Variants in RYR2 observed in about 807,000 individuals in gnomAD.
RYR2 encodes ryanodine receptor 2.
RYR2 carries 227 observed loss-of-function variants against 601.1 expected under a neutral mutation model. That is an observed-to-expected ratio of 0.38 (90% CI 0.34 to 0.42). RYR2 has a LOEUF of 0.42. Ranked by LOEUF, RYR2 falls within the 10% of genes least tolerant of loss-of-function variation. RYR2 has a pLI of 1.00. For synonymous variants in RYR2, 2,223 were observed against 2,175.1 expected (o/e 1.02, Z -0.61); for missense variants, 4,646 against 6,156.5 (o/e 0.75, Z 8.21).
intron 2 of RYR2, among the ~76,000 whole-genome samples, chr1:237,309,897 G>A (rs1261282283): frequency 1.3e-5 from 2 of 152,158 alleles, no homozygotes; most frequent in Admixed American, 6.5e-5. Flanking sequence ...GCCCGGGGCC[G>A]GCAGTGCCAG....
In RYR2 at chr1:237,435,511, G is replaced by T. The variant is rs550528243; in HGVS notation, c.1006-5808G>T. ...GGGATTAAATTCAAAAGAAATTTTT[G>T]CAGTAGTCTTTTCTCAAGGGGCATT... On this transcript the variant is annotated intron_variant, in intron 12 of 104. Transcript: ENST00000366574. 4.6e-5 allele frequency among the ~76,000 whole-genome samples: 7 copies of T among 152,254 alleles called. No homozygotes were observed. The South Asian group carries it at 1.5e-3, about 32-fold the overall frequency.
rs755584806 is a variant in RYR2 at position 237,614,703 on chromosome 1, G to A, written c.5575G>A (p.Glu1859Lys). ...GTTTAAAGAAGCTGCCACTCCGGAG[G>A]AGGAGAGTGACACGCTGGAGAAAGA... ...SVFKEAATPE[E>K]ESDTLEKELS... The change falls in exon 37 of 105, where the codon GAG (glutamate) becomes AAG (lysine). Residue 1859 changes from glutamate to lysine, a missense_variant. By Grantham distance (56) the Glu-to-Lys change is moderately conservative. Coordinates refer to ENST00000366574, the MANE Select transcript of RYR2 (RefSeq NM_001035.3). This position sits in a 1 kb window ranked among gnomAD's most constrained non-coding sequence, Gnocchi z 4.3. The A allele has an allele frequency of 2.5e-6, 4 of 1,614,030 alleles. No homozygotes were observed. The highest frequency in any genetic ancestry group is 3.4e-6 in the Non-Finnish European group (4 of 1,179,896).
chr1:237,223,875 C>A (rs1322702565), intron 1 of RYR2, among the ~76,000 whole-genome samples: 1 of 152,194 alleles, frequency 6.6e-6, no homozygotes, highest in Non-Finnish European at 1.5e-5. Flanking sequence ...TTTTCTCCTT[C>A]TGGTCTGTAA....
At chr1:237,229,110 T>TG (rs1303123423) in intron 1 of RYR2, among the ~76,000 whole-genome samples, 1 of 138,688 alleles carries the variant, frequency 7.2e-6, no homozygotes. Context: ...CCTAGCCCTG[T>TG]GGACCAGCTG....
chr1:237,714,990 T>TTAAAAAAA lies in RYR2; in HGVS notation c.10324-2208_10324-2207insTAAAAAAA, dbSNP rs1558274627. On this transcript the variant is annotated intron_variant, in intron 71 of 104. Coordinates refer to ENST00000366574, the MANE Select transcript of RYR2 (RefSeq NM_001035.3). ...CCTGGTGACAGAGCGAGACTCCATC[T>TTAAAAAAA]CAAAAAAAAAAAAAAAAAAAAAAAA... Among the ~76,000 whole-genome samples, 2 of 89,400 alleles carry TTAAAAAAA rather than the reference T, an allele frequency of 2.2e-5. 1 individual carries two copies. The allele number at this position is 89,400 out of a possible 152,430, so 58.6% of individuals were successfully genotyped here. A position where few individuals can be genotyped will look rare whatever the true frequency, so the allele number is the denominator to read the frequency against.
chr1:237,641,491 TTC>T (rs369542813), intron 47 of RYR2, among the ~76,000 whole-genome samples: 128 of 118,606 alleles, frequency 1.1e-3, no homozygotes, highest in African/African-American at 3.5e-3. Context: ...CTTTCTTTCT[TTC>T]TTTCTTTCTT....
At chr1:237,107,362 A>G (rs1460540082) in intron 1 of RYR2, among the ~76,000 whole-genome samples, 1 of 151,290 alleles carries the variant, frequency 6.6e-6, no homozygotes, top group Non-Finnish European at 1.5e-5. Context: ...TCTACTAAAA[A>G]TACAAAAAAT....
chr1:237,676,609 T>G (rs1388306102), intron 60 of RYR2, among the ~76,000 whole-genome samples: 1 of 152,176 alleles, frequency 6.6e-6, no homozygotes, highest in East Asian at 1.9e-4. Context: ...AATATCGTGT[T>G]TATTTTAATT....
At chr1:237,532,198 A>G (rs1668200735) in intron 25 of RYR2, among the ~76,000 whole-genome samples, 1 of 152,134 alleles carries the variant, frequency 6.6e-6, no homozygotes, top group Non-Finnish European at 1.5e-5. Flanking sequence ...AGAAAATAGG[A>G]TGTTATTGGA....
chr1:237,419,319 G>T (rs1705326401), intron 11 of RYR2, among the ~76,000 whole-genome samples: 1 of 151,800 alleles, frequency 6.6e-6, no homozygotes, highest in South Asian at 2.1e-4. Flanking sequence ...AAACATGAAA[G>T]CTTCTGAAAA....
intron 34 of RYR2, among the ~76,000 whole-genome samples, chr1:237,598,382 C>T (rs545271210): frequency 6.6e-6 from 1 of 152,286 alleles, no homozygotes; most frequent in South Asian, 2.1e-4. Context: ...TTCTCAACTG[C>T]TCATGTGGCA....
At chr1:237,292,665 T>A (rs1359466063) in intron 2 of RYR2, among the ~76,000 whole-genome samples, 1 of 152,236 alleles carries the variant, frequency 6.6e-6, no homozygotes, top group Non-Finnish European at 1.5e-5. Flanking sequence ...TTTGATGCTG[T>A]GAATAATAAT....
At position 237,666,524 on chromosome 1, in the gene RYR2, G is replaced by A. The variant is rs527576067; in HGVS notation, c.8449G>A (p.Ala2817Thr). Residue 2817 changes from alanine to threonine, a missense_variant, in exon 57 of 105, where the codon GCT becomes ACT. This residue lies in a region of RYR2 where 1,497 missense variants were observed against 1,842.6 expected (regional missense o/e 0.81). Transcript: ENST00000366574. ...ACAAATGATCTAGGTTTCTGTGGAC[G>A]CTGCCCATGGTTACAGTCCCCGGGC... is the stretch of plus-strand genomic sequence containing the variant. ...ISQTSQVSVD[A>T]AHGYSPRAID... 2.0e-5 allele frequency: 32 copies of A among 1,611,300 alleles called. No individual in the cohort carries two copies. In the South Asian group the frequency reaches 2.5e-4, roughly 13 times the overall value.
In RYR2 at chr1:237,707,168, C is replaced by T. The variant is rs2149059247; in HGVS notation, c.9800C>T (p.Ala3267Val). 1 of 1,613,252 alleles carries T rather than the reference C, an allele frequency of 6.2e-7. No homozygotes were observed. The highest frequency in any genetic ancestry group is 8.5e-7 in the Non-Finnish European group (1 of 1,179,374). ...NPERAEMCCT[A>V]LNSEHMNTLL... ...GAACGGGCCGAGATGTGCTGCACAG[C>T]CCTGAACTCAGAGCACATGAACACA... is the stretch of plus-strand genomic sequence containing the variant. The change falls in exon 68 of 105, where the codon GCC (alanine) becomes GTC (valine). Residue 3267 changes from alanine to valine, a missense_variant. This residue lies in a region of RYR2 where 1,497 missense variants were observed against 1,842.6 expected (regional missense o/e 0.81). Transcript: ENST00000366574.
At chr1:237,827,113 T>G (rs1400819261) in intron 101 of RYR2, among the ~76,000 whole-genome samples, 1 of 152,218 alleles carries the variant, frequency 6.6e-6, no homozygotes, top group African/African-American at 2.4e-5. Flanking sequence ...GACACTATTT[T>G]TTAGTCAAAT....
chr1:237,065,249 A>C (rs1434902568), intron 1 of RYR2, among the ~76,000 whole-genome samples: 1 of 148,046 alleles, frequency 6.8e-6, no homozygotes, highest in East Asian at 2.0e-4. Context: ...TCCATCCTCA[A>C]AGAGCTCTTG....
intron 51 of RYR2, among the ~76,000 whole-genome samples, chr1:237,651,896 A>C (rs767307425): frequency 6.6e-6 from 1 of 152,102 alleles, no homozygotes; most frequent in Non-Finnish European, 1.5e-5. Flanking sequence ...AATTAGCCGG[A>C]CGTGGTGGTG....
intron 91 of RYR2, among the ~76,000 whole-genome samples, chr1:237,787,112 C>T (rs1479150226): frequency 6.6e-6 from 1 of 151,944 alleles, no homozygotes; most frequent in Non-Finnish European, 1.5e-5. Flanking sequence ...TATCAAATGT[C>T]AATTCTTCTA....
At chr1:237,813,861 T>C (rs1661506960) in intron 100 of RYR2, among the ~76,000 whole-genome samples, 1 of 152,236 alleles carries the variant, frequency 6.6e-6, no homozygotes, top group African/African-American at 2.4e-5. Flanking sequence ...CTATCTTGTC[T>C]TTGACTGGGT....
Sources: gnomAD v4.1 joint callset for allele counts (sites outside exome capture counted in the v4.1 genomes callset) on GRCh38, gnomAD v4.1.1 for gene constraint, gnomAD v4.1.1 regional missense constraint, Gnocchi (gnomAD v3.1) non-coding constraint, MANE v1.5 for transcripts, NCBI Gene and HGNC (gene_info 2026-07-23, HGNC 2026-07-21) for gene names.